EIF4G3: variants seen among roughly 807,000 people sequenced by gnomAD.
EIF4G3 encodes eukaryotic translation initiation factor 4 gamma 3.
EIF4G3 carries 34 observed loss-of-function variants against 186.4 expected under a neutral mutation model. The observed-to-expected ratio is 0.18, with a 90% CI of 0.14 to 0.24. EIF4G3 has a LOEUF of 0.24. Among genes scored for constraint, EIF4G3 ranks in the 10% least tolerant of loss-of-function variants. EIF4G3 has a pLI of 1.00. For missense variants in EIF4G3, 1,536 were observed against 1,948.5 expected (o/e 0.79, Z 3.99); for synonymous variants, 673 against 679.5 (o/e 0.99, Z 0.15).
chr1:21,118,614 C>A (rs1228963978), intron 2 of EIF4G3, among the ~76,000 whole-genome samples: 1 of 151,776 alleles, frequency 6.6e-6, no homozygotes, highest in Non-Finnish European at 1.5e-5. Context: ...GGTGAAACCC[C>A]GTCTCTACTA....
intron 26 of EIF4G3, 75 bp from the exon 27 acceptor site, chr1:20,853,752 T>C (rs973513987): frequency 9.8e-6 from 11 of 1,128,032 alleles, no homozygotes; most frequent in Admixed American, 5.3e-5. Context: ...TCTGCATCCC[T>C]AGGTGAGGCC....
chr1:21,132,850 T>C (rs560546493), intron 2 of EIF4G3, among the ~76,000 whole-genome samples: 2 of 152,304 alleles, frequency 1.3e-5, no homozygotes, highest in African/African-American at 2.4e-5. Flanking sequence ...TGGCATGATC[T>C]TGGCTCACTG....
intron 32 of EIF4G3, among the ~76,000 whole-genome samples, chr1:20,826,636 C>T (rs749979052): frequency 2.9e-4 from 44 of 151,592 alleles, no homozygotes; most frequent in Non-Finnish European, 2.2e-4. Context: ...ACTACAGGTG[C>T]GTGCCACCAT....
chr1:21,093,367 C>T (rs1185234504), intron 2 of EIF4G3, among the ~76,000 whole-genome samples: 2 of 152,152 alleles, frequency 1.3e-5, no homozygotes, highest in African/African-American at 4.8e-5. Context: ...TCATCACTGG[C>T]CATCAGAGAA....
At chr1:20,866,928 C>A (rs2077683422) in intron 20 of EIF4G3, among the ~76,000 whole-genome samples, 1 of 152,124 alleles carries the variant, frequency 6.6e-6, no homozygotes, top group African/African-American at 2.4e-5. Context: ...AAATAATAGT[C>A]CGGCCCACAA....
At chr1:21,156,903 C>A (rs993394712) in intron 2 of EIF4G3, among the ~76,000 whole-genome samples, 1 of 151,918 alleles carries the variant, frequency 6.6e-6, no homozygotes, top group Non-Finnish European at 1.5e-5. Context: ...AGTGAAACCT[C>A]GTCTCTACAA....
At chr1:20,835,887 C>T (rs12758826) in intron 30 of EIF4G3, among the ~76,000 whole-genome samples, 4,232 of 151,232 alleles carry the variant, frequency 0.028, 88 homozygotes, top group Middle Eastern at 0.051. Flanking sequence ...CAGTGAGCCA[C>T]GATGAAGCCA....
chr1:20,841,146 C>A (rs1335503366), intron 29 of EIF4G3, 118 bp from the exon 30 acceptor site: 14 of 979,808 alleles, frequency 1.4e-5, no homozygotes, highest in Non-Finnish European at 2.1e-5. Flanking sequence ...ATGAACAGGA[C>A]AGTTTTCAAA....
At chr1:20,905,399 T>C (rs532785271) in intron 14 of EIF4G3, among the ~76,000 whole-genome samples, 2 of 152,194 alleles carry the variant, frequency 1.3e-5, no homozygotes, top group Non-Finnish European at 2.9e-5. Context: ...CTAAAGTTAC[T>C]TCAAGCAATA....
At chr1:21,088,038 G>A (rs1319976851) in intron 3 of EIF4G3, among the ~76,000 whole-genome samples, 1 of 152,070 alleles carries the variant, frequency 6.6e-6, no homozygotes, top group African/African-American at 2.4e-5. Flanking sequence ...CAAGGCTGCA[G>A]TAATCCATAA....
chr1:21,051,743 G>C (rs2094225628), intron 3 of EIF4G3, among the ~76,000 whole-genome samples: 1 of 152,078 alleles, frequency 6.6e-6, no homozygotes, highest in South Asian at 2.1e-4. Flanking sequence ...TCCACCTGTA[G>C]AAATAGTTAC....
At chr1:20,938,859 A>T (rs568441956) in intron 14 of EIF4G3, among the ~76,000 whole-genome samples, 1 of 152,200 alleles carries the variant, frequency 6.6e-6, no homozygotes, top group Non-Finnish European at 1.5e-5. Context: ...CTGTAATCCC[A>T]GCACTTTGGG....
intron 4 of EIF4G3, among the ~76,000 whole-genome samples, chr1:21,011,112 C>T (rs993299615): frequency 1.3e-5 from 2 of 151,092 alleles, no homozygotes; most frequent in Non-Finnish European, 2.9e-5. Flanking sequence ...TCTGAGATTT[C>T]ACTAAGTAAA....
intron 12 of EIF4G3, among the ~76,000 whole-genome samples, chr1:20,953,699 A>C (rs2096302841): frequency 6.6e-6 from 1 of 152,208 alleles, no homozygotes; most frequent in Non-Finnish European, 1.5e-5. Flanking sequence ...AGAATACTTA[A>C]GTACAGAGGT....
intron 3 of EIF4G3, among the ~76,000 whole-genome samples, chr1:21,052,094 A>C (rs2094251696): frequency 6.6e-6 from 1 of 152,238 alleles, no homozygotes; most frequent in Non-Finnish European, 1.5e-5. Flanking sequence ...AATATAATAC[A>C]ATAATCACAA....
rs116811352 is a variant in EIF4G3, at chr1:21,043,350, T to G, written c.-67+7516A>C. Reference sequence around the variant, plus strand: ...TGCTGTAATAGTGCTGAATTAATACTTAGATAAAATGTGGGTTCCAGCCAT... The same window carrying G: ...TGCTGTAATAGTGCTGAATTAATACGTAGATAAAATGTGGGTTCCAGCCAT... On this transcript the variant is annotated intron_variant, in intron 4 of 36. Coordinates refer to ENST00000602326, the MANE Select transcript of EIF4G3 (RefSeq NM_001391906.1). Among the ~76,000 whole-genome samples, 1,041 of 152,310 alleles carry G rather than the reference T, an allele frequency of 6.8e-3. 13 individuals carry two copies. The highest frequency in any genetic ancestry group is 0.024 in the African/African-American group (987 of 41,574).
At chr1:21,145,890 G>T (rs2097431417) in intron 2 of EIF4G3, among the ~76,000 whole-genome samples, 2 of 152,036 alleles carry the variant, frequency 1.3e-5, no homozygotes, top group Non-Finnish European at 2.9e-5. Flanking sequence ...GACCAGCCTG[G>T]GCAACACAGC....
chr1:21,006,069 A>C (rs1349368245), intron 4 of EIF4G3, among the ~76,000 whole-genome samples: 1 of 152,200 alleles, frequency 6.6e-6, no homozygotes, highest in African/African-American at 2.4e-5. Flanking sequence ...CCAATAGATC[A>C]TTCAACGATC....
At chr1:21,110,295 T>A (rs1260991862) in intron 2 of EIF4G3, among the ~76,000 whole-genome samples, 1 of 151,450 alleles carries the variant, frequency 6.6e-6, no homozygotes, top group Non-Finnish European at 1.5e-5. Flanking sequence ...AGAGTAACGT[T>A]TTCTCTTTTT....
Sources: allele counts gnomAD v4.1 joint callset (sites outside exome capture counted in the v4.1 genomes callset), GRCh38; gene constraint gnomAD v4.1.1; transcripts MANE v1.5; gene names NCBI Gene and HGNC (gene_info 2026-07-23, HGNC 2026-07-21).